DMD: variants seen among roughly 807,000 people sequenced by gnomAD.
The protein encoded by DMD is dystrophin.
DMD carries 63 observed loss-of-function variants against 330.1 expected under a neutral mutation model. That is an observed-to-expected ratio of 0.19 (90% CI 0.16 to 0.24). The LOEUF (loss-of-function observed/expected upper bound fraction) is 0.24. Among genes scored for constraint, DMD ranks in the 10% least tolerant of loss-of-function variants. The pLI is 1.00. For synonymous variants in DMD, 1,223 were observed against 959.8 expected, an observed-to-expected ratio of 1.27 and a Z score of -5.07; for missense variants, 3,344 against 2,684.1, an observed-to-expected ratio of 1.25 and a Z score of -5.43.
At chrX:31,821,809 C>T (rs755222539) in intron 49 of DMD, among the ~76,000 whole-genome samples, 1 of 111,713 alleles carries the variant, frequency 9.0e-6, no homozygotes, top group South Asian at 3.8e-4. Context: ...TGATTGATGT[C>T]GGGTTTGGTT....
intron 77 of DMD, among the ~76,000 whole-genome samples, chrX:31,127,842 CTCTCCTTCTCTTTCTTCCCTCCCTT>C (rs2033924519): frequency 8.9e-6 from 1 of 112,099 alleles, no homozygotes; most frequent in South Asian, 3.7e-4. Context: ...TTTCTTCCCT[CTCTCCTTCTCTTTCTTCCCTCCCTT>C]TCTCCTTCTC....
chrX:31,776,123 G>C (rs907591251), intron 50 of DMD, among the ~76,000 whole-genome samples: 2 of 111,608 alleles, frequency 1.8e-5, no homozygotes, highest in Non-Finnish European at 3.8e-5. Context: ...TCTTAAAAGG[G>C]ATTCCAGGAA....
intron 1 of DMD, among the ~76,000 whole-genome samples, chrX:33,086,561 T>C (rs1302358960): frequency 1.8e-5 from 2 of 109,975 alleles, no homozygotes; most frequent in East Asian, 2.8e-4. Context: ...GGTAAAAGGT[T>C]TGGTATTTAT....
At chrX:32,000,399 T>A (rs1277946040) in intron 44 of DMD, among the ~76,000 whole-genome samples, 1 of 112,175 alleles carries the variant, frequency 8.9e-6, no homozygotes, top group Non-Finnish European at 1.9e-5. Flanking sequence ...GTTAAAATGT[T>A]CAAATAAAAA....
At chrX:32,562,557 T>C (rs1051166856) in intron 16 of DMD, among the ~76,000 whole-genome samples, 1 of 112,785 alleles carries the variant, frequency 8.9e-6, no homozygotes, top group Non-Finnish European at 1.9e-5. Context: ...ATACTAATTA[T>C]TTAAAAGAAT....
At chrX:33,269,535 T>C (rs973981413) in intron 1 of DMD, among the ~76,000 whole-genome samples, 1 of 110,968 alleles carries the variant, frequency 9.0e-6, no homozygotes, top group Non-Finnish European at 1.9e-5. Flanking sequence ...TCTGCATGTG[T>C]ACTCCCTGTA....
At chrX:32,126,417 T>C (rs983850702) in intron 44 of DMD, among the ~76,000 whole-genome samples, 8 of 112,065 alleles carry the variant, frequency 7.1e-5, no homozygotes, top group Non-Finnish European at 1.5e-4. Context: ...CACCCACACT[T>C]ACATCTTTAG....
intron 43 of DMD, among the ~76,000 whole-genome samples, chrX:32,229,796 T>C (rs1309674225): frequency 1.0e-5 from 1 of 99,500 alleles, no homozygotes; most frequent in African/African-American, 3.6e-5. Context: ...TAAACATATC[T>C]GTCATCACTC....
chrX:31,497,640 T>G (rs1036934149), intron 56 of DMD, among the ~76,000 whole-genome samples: 2 of 112,302 alleles, frequency 1.8e-5, no homozygotes, highest in South Asian at 3.7e-4. Context: ...CTGAGTGCTT[T>G]ACCGTCAACT....
chrX:33,334,484 A>G (rs897576152), intron 1 of DMD, among the ~76,000 whole-genome samples: 3 of 111,458 alleles, frequency 2.7e-5, no homozygotes, highest in African/African-American at 9.7e-5. Flanking sequence ...TGTGGCCCAC[A>G]TGGTCTCTGT....
chrX:31,381,552 C>T (rs960522700), intron 60 of DMD, among the ~76,000 whole-genome samples: 2 of 111,695 alleles, frequency 1.8e-5, no homozygotes, highest in African/African-American at 6.5e-5. Flanking sequence ...GTTCCTGGCC[C>T]AGACTTCAAT....
intron 42 of DMD, among the ~76,000 whole-genome samples, chrX:32,293,859 A>G (rs2097484239): frequency 9.0e-6 from 1 of 111,678 alleles, no homozygotes; most frequent in Admixed American, 9.5e-5. Flanking sequence ...AAGAGATACA[A>G]TGGATGTAAT....
intron 41 of DMD, among the ~76,000 whole-genome samples, chrX:32,332,365 G>A (rs1005214290): frequency 9.3e-6 from 1 of 107,705 alleles, no homozygotes; most frequent in Non-Finnish European, 1.9e-5. Context: ...GAACTTTCCT[G>A]GTCATGCACT....
At position 33,264,850 on chromosome X, in the gene DMD, C is replaced by T. The variant is rs1193945156; in HGVS notation, c.7+74409G>A. 2.7e-5 allele frequency among the ~76,000 whole-genome samples: 3 copies of T among 110,260 alleles called. 1 individual carries two copies. The highest frequency in any genetic ancestry group is 5.7e-5 in the Non-Finnish European group (3 of 52,578). The stretch of plus-strand genomic sequence containing the variant: ...GGGAGAGATGCTGGACTATAAACTC[C>T]CATATTCTGAGCTTGTTATCCTGGC... On this transcript the variant is annotated intron_variant, in intron 1 of 17. Transcript: ENST00000288447.
At chrX:33,322,552 C>T (rs1034412595) in intron 1 of DMD, among the ~76,000 whole-genome samples, 2 of 111,469 alleles carry the variant, frequency 1.8e-5, no homozygotes, top group African/African-American at 6.5e-5. Context: ...TTCAGTGTGG[C>T]TTTTGTACTC....
Position 33,026,313 on chromosome X carries a change from C to CAAAAAAAAAAAAAAAAAA in DMD, c.32-6131_32-6114dup, listed in dbSNP as rs56794668. On this transcript the variant is annotated intron_variant, in intron 1 of 78. Transcript: ENST00000357033. ...CTGGGGGACAGAGGAGACTCCGTCT[C>CAAAAAAAAAAAAAAAAAA]AAAAAAAAAAAAAAAAAAAAAAAAA... is the stretch of plus-strand genomic sequence containing the variant. Among the ~76,000 whole-genome samples the CAAAAAAAAAAAAAAAAAA allele has an allele frequency of 6.7e-4, 22 of 32,781 alleles. 1 individual carries two copies. The highest frequency in any genetic ancestry group is 1.1e-3 in the Non-Finnish European group (21 of 18,862). The allele number at this position is 32,781 out of a possible 115,157, so 28.5% of individuals were successfully genotyped here. A position where few individuals can be genotyped will look rare whatever the true frequency, so the allele number is the denominator to read the frequency against.
intron 61 of DMD, among the ~76,000 whole-genome samples, chrX:31,343,917 G>A (rs1293809086): frequency 3.7e-5 from 4 of 109,434 alleles, no homozygotes; most frequent in Non-Finnish European, 1.9e-5. Context: ...TTGGTGGGGG[G>A]AAGCTGCTTT....
intron 45 of DMD, among the ~76,000 whole-genome samples, chrX:31,937,610 C>T (rs1210224005): frequency 9.0e-6 from 1 of 111,427 alleles, no homozygotes; most frequent in Non-Finnish European, 1.9e-5. Flanking sequence ...TTTCAAAAGC[C>T]TCGATTTGAA....
chrX:32,962,067 A>G (rs1459847748), intron 2 of DMD, among the ~76,000 whole-genome samples: 1 of 111,869 alleles, frequency 8.9e-6, no homozygotes, highest in Non-Finnish European at 1.9e-5. Flanking sequence ...ACACAAAAGC[A>G]TAGGACTACA....
Sources: gnomAD v4.1 joint callset for allele counts (sites outside exome capture counted in the v4.1 genomes callset) on GRCh38, gnomAD v4.1.1 for gene constraint, MANE v1.5 for transcripts, NCBI Gene and HGNC (gene_info 2026-07-23, HGNC 2026-07-21) for gene names.